Variants in DGKI observed in about 807,000 individuals in gnomAD.
DGKI encodes diacylglycerol kinase iota.
A neutral mutation model predicts 147.5 loss-of-function variants in DGKI; 55 were observed. That is an observed-to-expected ratio of 0.37 (90% CI 0.30 to 0.47). The LOEUF (loss-of-function observed/expected upper bound fraction) is 0.47. Among genes scored for constraint, DGKI ranks in the 20% least tolerant of loss-of-function variants. DGKI has a pLI of 1.00. For missense variants in DGKI, 1,007 were observed against 1,323.8 expected (o/e 0.76, Z 3.71); for synonymous variants, 469 against 477.1 (o/e 0.98, Z 0.22).
chr7:137,424,883 A>G (rs897067478), intron 28 of DGKI, among the ~76,000 whole-genome samples: 1 of 152,370 alleles, frequency 6.6e-6, no homozygotes, highest in East Asian at 1.9e-4. Context: ...CAAAGCAGCC[A>G]GGAAGCTCGA....
At chr7:137,783,515 TGAA>T (rs1242580047) in intron 1 of DGKI, among the ~76,000 whole-genome samples, 2 of 152,332 alleles carry the variant, frequency 1.3e-5, no homozygotes, top group South Asian at 2.1e-4. Flanking sequence ...TTGGTGTTCC[TGAA>T]GAAGAAGAGA....
intron 23 of DGKI, among the ~76,000 whole-genome samples, chr7:137,474,850 C>T (rs1003168208): frequency 1.3e-5 from 2 of 152,098 alleles, no homozygotes; most frequent in Admixed American, 6.5e-5. Context: ...ACAATCCTGG[C>T]GCCCTACCCG....
intron 1 of DGKI, among the ~76,000 whole-genome samples, chr7:137,719,550 AGGCT>A (rs1341311725): frequency 6.6e-6 from 1 of 152,070 alleles, no homozygotes; most frequent in Non-Finnish European, 1.5e-5. Context: ...GATTCATCTG[AGGCT>A]GGTTGGGAAG....
intron 23 of DGKI, among the ~76,000 whole-genome samples, chr7:137,476,769 A>G (rs144408850): frequency 3.9e-4 from 59 of 152,300 alleles, no homozygotes; most frequent in African/African-American, 1.0e-3. Flanking sequence ...GCTGGCCACA[A>G]TAAAGAACTG....
Position 137,695,119 on chromosome 7 carries a change from G to A in DGKI, c.402-5117C>T, listed in dbSNP as rs541620799. Among the ~76,000 whole-genome samples, 10 of 152,270 alleles carry A rather than the reference G, an allele frequency of 6.6e-5. No individual in the cohort carries two copies. The South Asian group carries it at 2.1e-3, about 32-fold the overall frequency. Reference sequence around the variant, plus strand: ...ATTCTACGTTTGTTACCTTCACAGTGATTCTCCAACATTGGTACTCAACCT... The same window carrying A: ...ATTCTACGTTTGTTACCTTCACAGTAATTCTCCAACATTGGTACTCAACCT... On this transcript the variant is annotated intron_variant, in intron 1 of 32. Coordinates refer to ENST00000614521, the MANE Select transcript of DGKI (RefSeq NM_001321708.2).
At chr7:137,758,096 A>G (rs535799865) in intron 1 of DGKI, among the ~76,000 whole-genome samples, 2 of 152,338 alleles carry the variant, frequency 1.3e-5, no homozygotes, top group South Asian at 4.1e-4. Flanking sequence ...CTTGGGCTAT[A>G]CATGCTTATT....
intron 27 of DGKI, 88 bp from the exon 28 acceptor site, chr7:137,444,190 A>C: frequency 1.2e-6 from 1 of 802,888 alleles, no homozygotes. Context: ...TTACCCTCAA[A>C]TTGAATTAAA....
chr7:137,811,396 A>T lies in DGKI; in HGVS notation c.401+35066T>A, dbSNP rs1486334450. Reference sequence around the variant, plus strand: ...CTCTCTCTCTCTCTCACACACACACACACACACACACACACACACACACAC... The same window carrying T: ...CTCTCTCTCTCTCTCACACACACACTCACACACACACACACACACACACAC... On this transcript the variant is annotated intron_variant, in intron 1 of 32. Coordinates refer to ENST00000614521, the MANE Select transcript of DGKI (RefSeq NM_001321708.2). Among the ~76,000 whole-genome samples, 1,247 of 150,734 alleles carry T rather than the reference A, an allele frequency of 8.3e-3. 8 individuals are homozygous for T. The highest frequency in any genetic ancestry group is 0.018 in the African/African-American group (732 of 40,928).
intron 8 of DGKI, among the ~76,000 whole-genome samples, chr7:137,613,610 G>A (rs1050190558): frequency 6.6e-6 from 1 of 152,056 alleles, no homozygotes; most frequent in African/African-American, 2.4e-5. Flanking sequence ...CCAAAAAAAG[G>A]GGGACTATTA....
At chr7:137,761,845 CA>C (rs1438534972) in intron 1 of DGKI, among the ~76,000 whole-genome samples, 1 of 152,194 alleles carries the variant, frequency 6.6e-6, no homozygotes, top group Non-Finnish European at 1.5e-5. Context: ...ATCTCCACCT[CA>C]ATGTCTCACA....
intron 1 of DGKI, among the ~76,000 whole-genome samples, chr7:137,747,634 A>G (rs1315317491): frequency 6.6e-6 from 1 of 152,206 alleles, no homozygotes; most frequent in Non-Finnish European, 1.5e-5. Flanking sequence ...TATTTTCAAT[A>G]AAACCCTTCA....
chr7:137,545,918 G>A (rs1260814863), intron 20 of DGKI: 10 of 702,500 alleles, frequency 1.4e-5, no homozygotes, highest in Non-Finnish European at 2.3e-5. Context: ...GGAGCCGGGG[G>A]GAGCAGACAC....
chr7:137,808,413 G>A (rs1006970685), intron 1 of DGKI, among the ~76,000 whole-genome samples: 44 of 152,136 alleles, frequency 2.9e-4, no homozygotes, highest in African/African-American at 9.9e-4. Flanking sequence ...TCATTTACTT[G>A]TCACAAGGTC....
intron 1 of DGKI, among the ~76,000 whole-genome samples, chr7:137,783,906 CT>C (rs1176175139): frequency 6.6e-6 from 1 of 152,190 alleles, no homozygotes; most frequent in African/African-American, 2.4e-5. Context: ...TAGATACAGT[CT>C]TTTCCAGACA....
intron 1 of DGKI, among the ~76,000 whole-genome samples, chr7:137,767,815 T>C (rs2116835712): frequency 6.6e-6 from 1 of 152,340 alleles, no homozygotes; most frequent in South Asian, 2.1e-4. Context: ...TAACAGTATC[T>C]GCTTTACATG....
intron 2 of DGKI, among the ~76,000 whole-genome samples, chr7:137,683,793 T>C (rs764626544): frequency 3.9e-5 from 6 of 152,138 alleles, no homozygotes; most frequent in Non-Finnish European, 7.3e-5. Flanking sequence ...TATAGCTATA[T>C]ATATATTTAC....
chr7:137,520,292 G>A (rs1437644774), intron 21 of DGKI, among the ~76,000 whole-genome samples: 5 of 151,988 alleles, frequency 3.3e-5, no homozygotes, highest in Non-Finnish European at 7.4e-5. Flanking sequence ...AGAACTGTTA[G>A]CTATTTGTTT....
chr7:137,536,077 T>C (rs1817509412), intron 20 of DGKI, among the ~76,000 whole-genome samples: 1 of 152,036 alleles, frequency 6.6e-6, no homozygotes, highest in Non-Finnish European at 1.5e-5. Flanking sequence ...CAAGTTTCTT[T>C]TAAAAGTTTA....
rs116674754 is a variant in DGKI at position 137,520,448 on chromosome 7, T to C, written c.2248+1418A>G. Among the ~76,000 whole-genome samples the C allele has an allele frequency of 9.9e-3, 1,514 of 152,194 alleles. 25 individuals carry two copies. Among genetic ancestry groups the C allele is most frequent in the African/African-American group, 0.035 (1,436 of 41,544 alleles). On this transcript the variant is annotated intron_variant, in intron 21 of 32. Coordinates refer to ENST00000614521, the MANE Select transcript of DGKI (RefSeq NM_001321708.2). ...ATGGATCAAACAGATTATATGCTAG[T>C]CTGTCGCTTATAAGTTCACTTAGAT...
Sources: allele counts gnomAD v4.1 joint callset (sites outside exome capture counted in the v4.1 genomes callset), GRCh38; gene constraint gnomAD v4.1.1; transcripts MANE v1.5; gene names NCBI Gene and HGNC (gene_info 2026-07-23, HGNC 2026-07-21).